The following AKT3 variants were observed in gnomAD, a reference collection of about 807,000 sequenced individuals.
The protein encoded by AKT3 is AKT serine/threonine kinase 3, also known as RAC-gamma serine/threonine-protein kinase.
Under a neutral mutation model 65.3 loss-of-function variants are expected in AKT3, and 15 were observed. The observed-to-expected ratio is 0.23, with a 90% confidence interval of 0.15 to 0.35. AKT3 has a LOEUF of 0.35. Ranked by LOEUF, AKT3 falls within the 10% of genes least tolerant of loss-of-function variation. The pLI is 1.00. For missense variants in AKT3, 243 were observed against 576.5 expected (o/e 0.42, Z 5.92); for synonymous variants, 206 against 183.8 (o/e 1.12, Z -0.98).
At chr1:243,739,963 T>C (rs1372941966) in intron 2 of AKT3, among the ~76,000 whole-genome samples, 2 of 152,248 alleles carry the variant, frequency 1.3e-5, no homozygotes, top group African/African-American at 2.4e-5. Flanking sequence ...TTGCTCATTA[T>C]TGTATCCCCA....
At chr1:243,840,313 C>G (rs1475193093) in intron 2 of AKT3, among the ~76,000 whole-genome samples, 1 of 151,846 alleles carries the variant, frequency 6.6e-6, no homozygotes, top group Non-Finnish European at 1.5e-5. Context: ...TGAGAACACA[C>G]GGACACAAGG....
intron 2 of AKT3, among the ~76,000 whole-genome samples, chr1:243,802,418 T>C (rs376475980): frequency 9.2e-5 from 14 of 152,136 alleles, no homozygotes; most frequent in Middle Eastern, 3.2e-3. Flanking sequence ...ATATCAAATA[T>C]TGGAGCTAGA....
intron 3 of AKT3, among the ~76,000 whole-genome samples, chr1:243,679,088 T>C (rs562619792): frequency 1.3e-5 from 2 of 152,318 alleles, no homozygotes; most frequent in African/African-American, 4.8e-5. Flanking sequence ...ACTTAATGAA[T>C]AGCAAATATA....
At chr1:243,794,958 G>A (rs866947622) in intron 2 of AKT3, among the ~76,000 whole-genome samples, 28 of 152,196 alleles carry the variant, frequency 1.8e-4, no homozygotes, top group African/African-American at 6.3e-4. Flanking sequence ...CTCTCATCTC[G>A]TTCTCTTTAC....
At chr1:243,731,741 G>A (rs1687583647) in intron 2 of AKT3, among the ~76,000 whole-genome samples, 1 of 152,064 alleles carries the variant, frequency 6.6e-6, no homozygotes, top group African/African-American at 2.4e-5. Context: ...GTAAGCTCTG[G>A]GTTGGAATTC....
At chr1:243,520,247 C>G (rs1326453182) in intron 12 of AKT3, among the ~76,000 whole-genome samples, 1 of 152,176 alleles carries the variant, frequency 6.6e-6, no homozygotes, top group Non-Finnish European at 1.5e-5. Flanking sequence ...CCCAAGTAGA[C>G]ACACTAAGGA....
At chr1:243,746,765 C>T (rs11586029) in intron 2 of AKT3, among the ~76,000 whole-genome samples, 76,565 of 152,074 alleles carry the variant, frequency 0.5, 23,351 homozygotes, top group Non-Finnish European at 0.68. Context: ...CCTTGATAAT[C>T]TCCACTAAAC....
chr1:243,740,030 C>G (rs937189621), intron 2 of AKT3, among the ~76,000 whole-genome samples: 4 of 152,182 alleles, frequency 2.6e-5, no homozygotes, highest in Non-Finnish European at 5.9e-5. Context: ...AATCAATCCA[C>G]AGAGTAATCT....
At chr1:243,642,565 T>C (rs1279090314) in intron 5 of AKT3, among the ~76,000 whole-genome samples, 11 of 152,192 alleles carry the variant, frequency 7.2e-5, no homozygotes, top group African/African-American at 1.7e-4. Context: ...CACCTTGGCC[T>C]CCCAAAGTGC....
At chr1:243,805,333 C>A (rs756056906) in intron 2 of AKT3, among the ~76,000 whole-genome samples, 1 of 152,146 alleles carries the variant, frequency 6.6e-6, no homozygotes, top group Non-Finnish European at 1.5e-5. Flanking sequence ...CCAACCTTCA[C>A]TCCATCTTAT....
chr1:243,696,046 A>G (rs1359148103), intron 2 of AKT3, among the ~76,000 whole-genome samples: 1 of 151,920 alleles, frequency 6.6e-6, no homozygotes, highest in Non-Finnish European at 1.5e-5. Flanking sequence ...TGTTTTAAAA[A>G]GCCTTGGTAA....
intron 2 of AKT3, among the ~76,000 whole-genome samples, chr1:243,839,341 T>G (rs530096971): frequency 1.3e-5 from 2 of 152,114 alleles, no homozygotes; most frequent in South Asian, 4.1e-4. Context: ...CGTCTTTGAG[T>G]AAGATCATTT....
At chr1:243,802,150 C>T (rs1692418449) in intron 2 of AKT3, among the ~76,000 whole-genome samples, 1 of 152,126 alleles carries the variant, frequency 6.6e-6, no homozygotes, top group African/African-American at 2.4e-5. Flanking sequence ...AATGCCTGGT[C>T]AGAATTTTCC....
intron 8 of AKT3, among the ~76,000 whole-genome samples, chr1:243,606,263 C>T (rs767512614): frequency 4.6e-5 from 7 of 152,120 alleles, no homozygotes; most frequent in Admixed American, 3.3e-4. Context: ...AAGGCTGGAA[C>T]AGTATGGAGG....
intron 4 of AKT3, among the ~76,000 whole-genome samples, chr1:243,662,785 T>C (rs1682468978): frequency 6.6e-6 from 1 of 151,936 alleles, no homozygotes; most frequent in African/African-American, 2.4e-5. Flanking sequence ...ATTCTAGAGG[T>C]ATATAGAAAT....
chr1:243,537,084 A>G (rs1264246763), intron 12 of AKT3, among the ~76,000 whole-genome samples: 1 of 152,128 alleles, frequency 6.6e-6, no homozygotes, highest in Non-Finnish European at 1.5e-5. Context: ...GGAAAGTTCC[A>G]CTTCAACTCT....
chr1:243,503,103 A>G lies in AKT3; in HGVS notation c.*2146T>C, dbSNP rs551766297. ...AAACATTCAACATAATTCCAAGTGA[A>G]AAAAAAAAGATTAGCTATGTGTGTA... On this transcript the variant is annotated 3_prime_UTR_variant, in exon 14 of 14. Coordinates refer to ENST00000673466, the MANE Select transcript of AKT3 (RefSeq NM_005465.7). 8.6e-6 allele frequency: 2 copies of G among 233,164 alleles called. No individual in the cohort carries two copies. Among genetic ancestry groups the G allele is most frequent in the South Asian group, 3.6e-4 (2 of 5,500 alleles). 14.4% of individuals were successfully genotyped at this position (233,164 alleles called of 1,614,324 possible). A position where few individuals can be genotyped will look rare whatever the true frequency, so the allele number is the denominator to read the frequency against.
intron 8 of AKT3, among the ~76,000 whole-genome samples, chr1:243,587,026 A>G (rs1307036140): frequency 6.6e-6 from 1 of 152,222 alleles, no homozygotes; most frequent in African/African-American, 2.4e-5. Context: ...TTAAAAGACT[A>G]AAACACAAAA....
intron 13 of AKT3, among the ~76,000 whole-genome samples, chr1:243,493,902 T>C (rs1256612389): frequency 6.6e-6 from 1 of 151,800 alleles, no homozygotes; most frequent in African/African-American, 2.4e-5. Context: ...AGGGAGGTTC[T>C]AGAAAAGTGA....
Sources: gnomAD v4.1 joint callset for allele counts (sites outside exome capture counted in the v4.1 genomes callset) on GRCh38, gnomAD v4.1.1 for gene constraint, MANE v1.5 for transcripts, NCBI Gene and HGNC (gene_info 2026-07-23, HGNC 2026-07-21) for gene names.